The following GRM5 variants were observed in gnomAD, a reference collection of about 807,000 sequenced individuals.
GRM5 encodes the protein glutamate metabotropic receptor 5.
Under a neutral mutation model 83.1 loss-of-function variants are expected in GRM5, and 19 were observed. The ratio of observed to expected loss-of-function variants is 0.23; its 90% CI spans 0.16 to 0.34. The LOEUF is 0.34. Among genes scored for constraint, GRM5 ranks in the 10% least tolerant of loss-of-function variants. GRM5 has a pLI of 1.00. For synonymous variants in GRM5, 675 were observed against 633.6 expected (o/e 1.07, Z -0.98); for missense variants, 1,160 against 1,588.3 (o/e 0.73, Z 4.58).
chr11:88,527,894 A>G (rs1472288328), intron 8 of GRM5, among the ~76,000 whole-genome samples: 2 of 152,070 alleles, frequency 1.3e-5, no homozygotes, highest in Admixed American at 6.6e-5. Context: ...CTGAGTACGC[A>G]TGGACACAAA....
intron 2 of GRM5, among the ~76,000 whole-genome samples, chr11:88,992,865 C>A (rs12291184): frequency 1.0e-5 from 1 of 96,284 alleles, no homozygotes; most frequent in Non-Finnish European, 1.9e-5. Context: ...CGGGGCCTGT[C>A]GTGGGGTGGG....
chr11:88,820,530 A>G (rs1943771655), intron 3 of GRM5, among the ~76,000 whole-genome samples: 1 of 152,212 alleles, frequency 6.6e-6, no homozygotes, highest in East Asian at 1.9e-4. Flanking sequence ...GCACTTTATA[A>G]TTTGAAAAAC....
At chr11:88,874,297 C>A (rs1398914885) in intron 2 of GRM5, among the ~76,000 whole-genome samples, 1 of 151,754 alleles carries the variant, frequency 6.6e-6, no homozygotes, top group Admixed American at 6.6e-5. Flanking sequence ...GCATTTCCAG[C>A]CAATTGCTTT....
At chr11:88,956,754 C>A (rs1463985841) in intron 2 of GRM5, among the ~76,000 whole-genome samples, 1 of 152,090 alleles carries the variant, frequency 6.6e-6, no homozygotes. Flanking sequence ...TGCAGTGAGC[C>A]GAGATTGCGC....
At chr11:88,905,221 G>A (rs1945382577) in intron 2 of GRM5, among the ~76,000 whole-genome samples, 1 of 152,198 alleles carries the variant, frequency 6.6e-6, no homozygotes, top group Non-Finnish European at 1.5e-5. Context: ...CTGAGTACAT[G>A]TTCCCAACGA....
chr11:88,546,701 T>G (rs913896511), intron 8 of GRM5, among the ~76,000 whole-genome samples: 1 of 152,080 alleles, frequency 6.6e-6, no homozygotes, highest in Admixed American at 6.6e-5. Flanking sequence ...GTAAGCTTGA[T>G]GCGTGGGGAT....
chr11:88,873,451 A>T (rs185773510), intron 2 of GRM5, among the ~76,000 whole-genome samples: 20 of 151,790 alleles, frequency 1.3e-4, no homozygotes, highest in African/African-American at 4.6e-4. Flanking sequence ...AGGATAGACC[A>T]TATGTGAAGT....
intron 3 of GRM5, among the ~76,000 whole-genome samples, chr11:88,753,866 T>C (rs1942336922): frequency 6.6e-6 from 1 of 152,138 alleles, no homozygotes; most frequent in South Asian, 2.1e-4. Context: ...ACGTCTCACA[T>C]TGCAGCAGAC....
intron 9 of GRM5, among the ~76,000 whole-genome samples, chr11:88,516,463 C>T (rs1008868733): frequency 6.6e-6 from 1 of 152,160 alleles, no homozygotes; most frequent in African/African-American, 2.4e-5. Flanking sequence ...TCTGCATCAA[C>T]ATTGCTGAGA....
rs1164942328 is a variant in GRM5, at chr11:88,882,972, G to GT, written c.662-32818dup. On this transcript the variant is annotated intron_variant, in intron 2 of 9. Coordinates refer to ENST00000305447, the MANE Select transcript of GRM5 (RefSeq NM_001143831.3). Reference sequence around the variant, plus strand: ...TGCTCTCTCTCCTGCCTGCCAACACGTAAGACATGACTTTGCTCCTCTTAT... The same window carrying GT: ...TGCTCTCTCTCCTGCCTGCCAACACGTTAAGACATGACTTTGCTCCTCTTAT... 2.0e-5 allele frequency among the ~76,000 whole-genome samples: 3 copies of GT among 152,106 alleles called. No individual in the cohort carries two copies. In the East Asian group the frequency reaches 5.8e-4, roughly 29 times the overall value.
chr11:88,512,622 A>C (rs1331038531), intron 9 of GRM5, among the ~76,000 whole-genome samples: 1 of 152,146 alleles, frequency 6.6e-6, no homozygotes, highest in Non-Finnish European at 1.5e-5. Context: ...GAGATCCTAA[A>C]ATCCGGTTCT....
chr11:89,001,000 T>C (rs1156576735), intron 2 of GRM5, among the ~76,000 whole-genome samples: 2 of 145,724 alleles, frequency 1.4e-5, no homozygotes, highest in Admixed American at 1.4e-4. Flanking sequence ...CACAGTGAGA[T>C]AGCACTATAC....
chr11:88,983,327 T>C (rs1939588018), intron 2 of GRM5, among the ~76,000 whole-genome samples: 1 of 152,194 alleles, frequency 6.6e-6, no homozygotes, highest in African/African-American at 2.4e-5. Context: ...TTATCTTAAT[T>C]GGCACCTAAA....
chr11:88,788,323 A>C (rs1943111775), intron 3 of GRM5, among the ~76,000 whole-genome samples: 1 of 152,204 alleles, frequency 6.6e-6, no homozygotes, highest in Non-Finnish European at 1.5e-5. Flanking sequence ...TAATATTGTA[A>C]GAGGAAATAT....
chr11:88,518,956 G>C (rs139214394), intron 9 of GRM5, among the ~76,000 whole-genome samples: 3 of 149,790 alleles, frequency 2.0e-5, no homozygotes, highest in East Asian at 3.9e-4. Context: ...AGACGTAAAA[G>C]TGAACCATAC....
chr11:89,012,612 C>T (rs1214564345), intron 2 of GRM5, among the ~76,000 whole-genome samples: 1 of 152,164 alleles, frequency 6.6e-6, no homozygotes, highest in African/African-American at 2.4e-5. Flanking sequence ...AGAACTGCTG[C>T]ACAGAAACCT....
chr11:89,056,203 G>T (rs1001341409), intron 1 of GRM5, among the ~76,000 whole-genome samples: 10 of 152,058 alleles, frequency 6.6e-5, no homozygotes, highest in African/African-American at 2.4e-4. Flanking sequence ...TGTTTCTCCT[G>T]GTTTACAACT....
At chr11:89,018,858 A>C (rs924439307) in intron 2 of GRM5, among the ~76,000 whole-genome samples, 7 of 152,258 alleles carry the variant, frequency 4.6e-5, no homozygotes, top group Non-Finnish European at 1.0e-4. Flanking sequence ...TATTGCACAG[A>C]AAGTCCCTAT....
chr11:88,914,090 G>A (rs1156692406), intron 2 of GRM5, among the ~76,000 whole-genome samples: 2 of 152,122 alleles, frequency 1.3e-5, no homozygotes, highest in African/African-American at 4.8e-5. Flanking sequence ...CAGCATGTTG[G>A]TGTCATATGT....
Sources: gnomAD v4.1 joint callset for allele counts (sites outside exome capture counted in the v4.1 genomes callset) on GRCh38, gnomAD v4.1.1 for gene constraint, MANE v1.5 for transcripts, NCBI Gene and HGNC (gene_info 2026-07-23, HGNC 2026-07-21) for gene names.